PHF20L1: variants seen among roughly 807,000 people sequenced by gnomAD.
The protein encoded by PHF20L1 is PHD finger protein 20-like protein 1.
Under a neutral mutation model 125.5 loss-of-function variants are expected in PHF20L1, and 44 were observed. That is an observed-to-expected ratio of 0.35 (90% CI 0.28 to 0.45). The LOEUF (loss-of-function observed/expected upper bound fraction) is 0.45, where lower values mean the gene tolerates loss of function less well. PHF20L1 is among the 20% of genes least tolerant of loss of function. The pLI is 1.00. For synonymous variants in PHF20L1, 380 were observed against 403.1 expected (o/e 0.94, Z 0.69); for missense variants, 1,012 against 1,217.2 (o/e 0.83, Z 2.51).
chr8:132,804,758 T>C lies in PHF20L1; in HGVS notation c.847+18T>C. ...GATTACTGGTAAACTACAATGATTT[T>C]TTTTTTGAGGGGGGGAAATGGAAGG... On this transcript the variant is annotated intron_variant, in intron 8 of 20. Coordinates refer to ENST00000395386, the MANE Select transcript of PHF20L1 (RefSeq NM_016018.5). The C allele has an allele frequency of 7.6e-6, 12 of 1,575,940 alleles. No homozygotes were observed. The highest frequency in any genetic ancestry group is 1.2e-5 in the South Asian group (1 of 84,772).
At chr8:132,819,935 G>A (rs1835395506) in intron 12 of PHF20L1, among the ~76,000 whole-genome samples, 1 of 151,800 alleles carries the variant, frequency 6.6e-6, no homozygotes, top group Non-Finnish European at 1.5e-5. Flanking sequence ...TACTTTTGGG[G>A]GAGCAAGATA....
intron 12 of PHF20L1, among the ~76,000 whole-genome samples, chr8:132,820,996 T>C (rs564671199): frequency 6.6e-6 from 1 of 151,802 alleles, no homozygotes; most frequent in Non-Finnish European, 1.5e-5. Flanking sequence ...TCAAGGAGCA[T>C]TTTCCTGTTT....
At chr8:132,794,908 C>A in intron 4 of PHF20L1, 91 bp downstream of exon 4, 1 of 751,282 alleles carries the variant, frequency 1.3e-6, no homozygotes, top group South Asian at 1.7e-5. Flanking sequence ...GTTATGTAAT[C>A]ATTACGTATA....
chr8:132,792,870 C>T lies in PHF20L1; in HGVS notation c.84-1540C>T, dbSNP rs192121164. Among the ~76,000 whole-genome samples, 6 of 151,964 alleles carry T rather than the reference C, an allele frequency of 3.9e-5. No individual in the cohort carries two copies. The East Asian group carries it at 7.7e-4, about 20-fold the overall frequency. The stretch of plus-strand genomic sequence containing the variant: ...AACACTGAATGCTTTATCTCCGTCT[C>T]GTTGACTGCACCAAGAAGTCTTTCA... On this transcript the variant is annotated intron_variant, in intron 2 of 20. Transcript: ENST00000395386.
intron 14 of PHF20L1, chr8:132,826,730 T>C (rs1410159525): frequency 6.6e-6 from 1 of 151,970 alleles, no homozygotes; most frequent in Non-Finnish European, 1.5e-5. Flanking sequence ...GAAGGGCCAT[T>C]ATCAGTTCAA....
intron 8 of PHF20L1, among the ~76,000 whole-genome samples, chr8:132,804,951 C>T (rs1396069481): frequency 6.6e-6 from 1 of 151,878 alleles, no homozygotes; most frequent in Non-Finnish European, 1.5e-5. Flanking sequence ...TATCTTCTAC[C>T]TACCTCACAG....
At chr8:132,818,809 T>C (rs1448196383) in intron 12 of PHF20L1, 1 of 151,910 alleles carries the variant, frequency 6.6e-6, no homozygotes, top group African/African-American at 2.4e-5. Flanking sequence ...ATCTGGAATT[T>C]GTTACCGTAC....
chr8:132,843,951 G>C, intron 19 of PHF20L1: 1 of 985,228 alleles, frequency 1.0e-6, no homozygotes, highest in Non-Finnish European at 1.2e-6. Flanking sequence ...GCGAGGCATA[G>C]TGGAGGGAGG....
chr8:132,777,685 A>G (rs1447541779), intron 1 of PHF20L1, 107 bp from the exon 2 acceptor site: 1 of 583,792 alleles, frequency 1.7e-6, no homozygotes, highest in Non-Finnish European at 3.1e-6. Flanking sequence ...TCATATTCTC[A>G]TGTATTGTTT....
chr8:132,789,548 A>G (rs999644027), intron 2 of PHF20L1, among the ~76,000 whole-genome samples: 30 of 152,156 alleles, frequency 2.0e-4, no homozygotes, highest in African/African-American at 7.0e-4. Context: ...AGTCTTCTCT[A>G]TTTTGGAATG....
chr8:132,777,970 T>C, intron 2 of PHF20L1, 59 bp downstream of exon 2: 1 of 1,019,856 alleles, frequency 9.8e-7, no homozygotes, highest in South Asian at 1.3e-5. Context: ...TTACATATGT[T>C]AATTAAAACA....
chr8:132,832,298 G>C lies in PHF20L1; in HGVS notation c.1808G>C (p.Arg603Pro), dbSNP rs184113048. ...GAAAGGTGCTCTTCTCCACTAACTCGATCTTCTGGGAGTTCTCTGGCTTCA... is the reference window on the plus strand; with the variant it reads ...GAAAGGTGCTCTTCTCCACTAACTCCATCTTCTGGGAGTTCTCTGGCTTCA... Reference protein sequence around the residue: ...FLERCSSPLTRSSGSSLASRS... With the variant: ...FLERCSSPLTPSSGSSLASRS... Residue 603 changes from arginine to proline, a missense_variant, in exon 15 of 21, where the codon CGA becomes CCA. Transcript: ENST00000395386. 1 of 1,608,092 alleles carries C rather than the reference G, an allele frequency of 6.2e-7. No individual in the cohort carries two copies. The highest frequency in any genetic ancestry group is 1.3e-5 in the African/African-American group (1 of 74,690).
chr8:132,785,578 C>T (rs898703195), intron 2 of PHF20L1, among the ~76,000 whole-genome samples: 1 of 152,100 alleles, frequency 6.6e-6, no homozygotes. Flanking sequence ...AGTATTTTTA[C>T]TGTAACTGTA....
chr8:132,775,609 G>A lies in PHF20L1; in HGVS notation c.-74G>A. ...CTGCTCGTGCCCCAGCTCGGCCCCG[G>A]ACGGCCCGGCTGCTGTGCAGAGAGG... On this transcript the variant is annotated 5_prime_UTR_variant, in exon 1 of 21. Transcript: ENST00000395386. The A allele has an allele frequency of 2.9e-6, 1 of 345,666 alleles. No individual in the cohort carries two copies. The highest frequency in any genetic ancestry group is 5.2e-6 in the Non-Finnish European group (1 of 191,722). The allele number at this position is 345,666 out of a possible 1,614,324, so 21.4% of individuals were successfully genotyped here.
At chr8:132,798,946 T>A (rs1297275516) in intron 5 of PHF20L1, 86 bp downstream of exon 5, 17 of 1,097,234 alleles carry the variant, frequency 1.5e-5, no homozygotes, top group South Asian at 3.0e-5. Flanking sequence ...GTATATTTTT[T>A]AAAAATGAAC....
At chr8:132,834,796 T>G (rs1231322013) in intron 15 of PHF20L1, among the ~76,000 whole-genome samples, 1 of 152,088 alleles carries the variant, frequency 6.6e-6, no homozygotes, top group African/African-American at 2.4e-5. Flanking sequence ...ATACTGTTCA[T>G]ACTAGATTTT....
Position 132,794,978 on chromosome 8 carries a change from G to A in PHF20L1, c.340+161G>A, listed in dbSNP as rs566351122. On this transcript the variant is annotated intron_variant, in intron 4 of 20. Coordinates refer to ENST00000395386, the MANE Select transcript of PHF20L1 (RefSeq NM_016018.5). Reference sequence around the variant, plus strand: ...AGCATTTGATTTGTTATGTGTTATCGAGAATAAAATGCTATATGGTTTGCT... The same window carrying A: ...AGCATTTGATTTGTTATGTGTTATCAAGAATAAAATGCTATATGGTTTGCT... 7.9e-5 allele frequency among the ~76,000 whole-genome samples: 12 copies of A among 151,996 alleles called. 1 individual carries two copies. The South Asian group carries it at 2.5e-3, about 32-fold the overall frequency.
intron 2 of PHF20L1, among the ~76,000 whole-genome samples, chr8:132,779,592 C>A (rs1425719403): frequency 6.6e-6 from 1 of 152,114 alleles, no homozygotes; most frequent in East Asian, 1.9e-4. Context: ...GACGGTGTTG[C>A]AGTTGAGCTA....
rs1367436613 is a variant in PHF20L1, at chr8:132,816,969, C to G, written c.1265C>G (p.Pro422Arg). ...RRRSQRLATL[P>R]MPDDSVEKVS... is the part of the protein sequence containing the mutation. ...AGATCTCAGCGTTTAGCCACCTTAC[C>G]CATGCCTGATGATTCTGTAGAAAAG... Residue 422 changes from proline (P) to arginine (R), a missense_variant, in exon 11 of 21, where the codon CCC becomes CGC. This residue lies in a region of PHF20L1 where 119 missense variants were observed against 160.2 expected (regional missense o/e 0.74). Coordinates refer to ENST00000395386, the MANE Select transcript of PHF20L1 (RefSeq NM_016018.5). 3 of 1,611,500 alleles carry G rather than the reference C, an allele frequency of 1.9e-6. No individual in the cohort carries two copies. The highest frequency in any genetic ancestry group is 2.5e-6 in the Non-Finnish European group (3 of 1,178,318).
Sources: allele counts gnomAD v4.1 joint callset (sites outside exome capture counted in the v4.1 genomes callset), GRCh38; gene constraint gnomAD v4.1.1; regional missense constraint gnomAD v4.1.1; transcripts MANE v1.5; gene names NCBI Gene and HGNC (gene_info 2026-07-23, HGNC 2026-07-21).